Variants in SMURF2 observed in about 807,000 individuals in gnomAD.
SMURF2 encodes SMAD specific E3 ubiquitin protein ligase 2.
SMURF2 carries 48 observed loss-of-function variants against 109.6 expected under a neutral mutation model. The ratio of observed to expected loss-of-function variants is 0.44; its 90% CI spans 0.35 to 0.56. The LOEUF is 0.56. SMURF2 is among the 20% of genes least tolerant of loss of function. SMURF2 has a pLI of 0.01. For synonymous variants in SMURF2, 288 were observed against 317.1 expected, an observed-to-expected ratio of 0.91 and a Z score of 0.97; for missense variants, 575 against 909.0, an observed-to-expected ratio of 0.63 and a Z score of 4.72.
At chr17:64,643,895 C>T (rs566967497) in intron 1 of SMURF2, among the ~76,000 whole-genome samples, 95 of 151,554 alleles carry the variant, frequency 6.3e-4, no homozygotes, top group Non-Finnish European at 1.2e-3. Flanking sequence ...GGTGTGATCT[C>T]GGCTCACTGC....
At chr17:64,596,261 A>G (rs1334017934) in intron 3 of SMURF2, among the ~76,000 whole-genome samples, 1 of 152,096 alleles carries the variant, frequency 6.6e-6, no homozygotes, top group East Asian at 1.9e-4. Flanking sequence ...CACTATGCCC[A>G]GTTTATTATG....
intron 1 of SMURF2, among the ~76,000 whole-genome samples, chr17:64,615,320 T>A (rs368938244): frequency 8.5e-5 from 13 of 152,332 alleles, no homozygotes; most frequent in African/African-American, 3.1e-4. Context: ...AAAGATTTTA[T>A]AATACTGTCC....
rs61570020 is a variant in SMURF2, at chr17:64,600,268, T to C, written c.92-1778A>G. Among the ~76,000 whole-genome samples the C allele has an allele frequency of 2.1e-3, 322 of 152,278 alleles. 1 individual carries two copies. The highest frequency in any genetic ancestry group is 7.4e-3 in the African/African-American group (306 of 41,552). ...ATTAATAAGAAACTTGTATCAAAGA[T>C]GACAATACAGTTTTCAGCCCAAAGC... On this transcript the variant is annotated intron_variant, in intron 2 of 18. Transcript: ENST00000262435.
intron 14 of SMURF2, 63 bp downstream of exon 14, chr17:64,555,757 T>C (rs1014759704): frequency 9.1e-6 from 11 of 1,207,484 alleles, no homozygotes; most frequent in Non-Finnish European, 1.3e-5. Context: ...ACATCAGTTT[T>C]GAAACATATT....
chr17:64,624,075 T>C (rs782039033), intron 1 of SMURF2, among the ~76,000 whole-genome samples: 2 of 152,210 alleles, frequency 1.3e-5, no homozygotes, highest in African/African-American at 2.4e-5. Context: ...GGCTTGTTTT[T>C]CAGAGAAAGT....
At chr17:64,556,108 T>G in intron 13 of SMURF2, 110 bp from the exon 14 acceptor site, 1 of 752,562 alleles carries the variant, frequency 1.3e-6, no homozygotes, top group Non-Finnish European at 2.1e-6. Context: ...ATAAAATTTT[T>G]ACTCTTCAAT....
chr17:64,548,438 A>T (rs1968991163), intron 16 of SMURF2, among the ~76,000 whole-genome samples: 2 of 152,078 alleles, frequency 1.3e-5, no homozygotes, highest in Admixed American at 1.3e-4. Flanking sequence ...CCTAGGCTGG[A>T]GTGCAGTGGC....
chr17:64,594,680 G>C (rs1306977324), intron 3 of SMURF2, among the ~76,000 whole-genome samples: 1 of 152,110 alleles, frequency 6.6e-6, no homozygotes. Flanking sequence ...TACCCAAGCT[G>C]AACATTTTTT....
chr17:64,619,145 A>T (rs1385788962), intron 1 of SMURF2, among the ~76,000 whole-genome samples: 11 of 152,114 alleles, frequency 7.2e-5, no homozygotes. Flanking sequence ...TCAACTCTAA[A>T]ATTTCTCATA....
At chr17:64,646,811 C>G (rs1051490177) in intron 1 of SMURF2, among the ~76,000 whole-genome samples, 13 of 152,210 alleles carry the variant, frequency 8.5e-5, no homozygotes, top group African/African-American at 3.1e-4. Flanking sequence ...TGCCTTCTCA[C>G]CAACATTCTG....
intron 3 of SMURF2, 87 bp from the exon 4 acceptor site, chr17:64,593,660 G>A: frequency 8.7e-7 from 1 of 1,153,512 alleles, no homozygotes; most frequent in Non-Finnish European, 1.2e-6. Flanking sequence ...ATATTCTAAA[G>A]TTACTAATAT....
intron 2 of SMURF2, among the ~76,000 whole-genome samples, chr17:64,601,834 T>C (rs1240406713): frequency 1.3e-5 from 2 of 150,948 alleles, no homozygotes; most frequent in African/African-American, 2.4e-5. Flanking sequence ...TAAAGAAATG[T>C]GGTGTGTGTG....
intron 10 of SMURF2, among the ~76,000 whole-genome samples, chr17:64,566,575 T>TTTTTTTTTTTTTTTTTTTG (rs1568176838): frequency 9.7e-6 from 1 of 103,264 alleles, no homozygotes; most frequent in Non-Finnish European, 2.0e-5. Flanking sequence ...TTTTTTTTTT[T>TTTTTTTTTTTTTTTTTTTG]TTTTTTTTTT....
At chr17:64,548,778 G>A (rs570336391) in intron 16 of SMURF2, among the ~76,000 whole-genome samples, 2 of 152,118 alleles carry the variant, frequency 1.3e-5, no homozygotes, top group East Asian at 3.9e-4. Context: ...CCTGATGGAG[G>A]GTCACACAGA....
chr17:64,619,139 C>T (rs2144693146), intron 1 of SMURF2, among the ~76,000 whole-genome samples: 1 of 152,194 alleles, frequency 6.6e-6, no homozygotes, highest in African/African-American at 2.4e-5. Context: ...TATTACTCAA[C>T]TCTAAAATTT....
chr17:64,652,443 C>T (rs1446012716), intron 1 of SMURF2, among the ~76,000 whole-genome samples: 1 of 152,166 alleles, frequency 6.6e-6, no homozygotes, highest in Non-Finnish European at 1.5e-5. Context: ...AAAGAAAACA[C>T]AGGAGAGTCC....
chr17:64,653,019 C>T (rs192172746), intron 1 of SMURF2, among the ~76,000 whole-genome samples: 1 of 151,882 alleles, frequency 6.6e-6, no homozygotes, highest in African/African-American at 2.4e-5. Flanking sequence ...AGACTTAGGA[C>T]TCAAAAAACA....
At position 64,610,548 on chromosome 17, in the gene SMURF2, G is replaced by A. The variant is rs561508890; in HGVS notation, c.53-3908C>T. On this transcript the variant is annotated intron_variant, in intron 1 of 18. Coordinates refer to ENST00000262435, the MANE Select transcript of SMURF2 (RefSeq NM_022739.4). ...CACATGTTCTCACTTATAAGTGGGA[G>A]TTGAACAATGAGAACACATGGACAC... 2.5e-4 allele frequency among the ~76,000 whole-genome samples: 38 copies of A among 152,258 alleles called. No individual in the cohort carries two copies. The South Asian group carries it at 7.2e-3, about 29-fold the overall frequency.
In SMURF2 at chr17:64,547,556, C is replaced by T. The variant is rs199718522; in HGVS notation, c.2071+44G>A. 53 of 1,563,312 alleles carry T rather than the reference C, an allele frequency of 3.4e-5. No homozygotes were observed. In the East Asian group the frequency reaches 9.6e-4, roughly 28 times the overall value. On this transcript the variant is annotated intron_variant, in intron 17 of 18. Transcript: ENST00000262435. The surrounding 1 kb of genome is among the most constrained non-coding windows in gnomAD (Gnocchi z 4.2). ...TCCACAGACCCCACGCTGACAGCCC[C>T]GCCCCCACCCGCTGCCCAGCTTGCC...
Sources: allele counts gnomAD v4.1 joint callset (sites outside exome capture counted in the v4.1 genomes callset), GRCh38; gene constraint gnomAD v4.1.1; non-coding constraint Gnocchi (gnomAD v3.1); transcripts MANE v1.5; gene names NCBI Gene and HGNC (gene_info 2026-07-23, HGNC 2026-07-21).